AEBP2: variants seen among roughly 807,000 people sequenced by gnomAD.
AEBP2 encodes the protein AE binding protein 2, also known as zinc finger protein AEBP2.
Under a neutral mutation model 50.8 loss-of-function variants are expected in AEBP2, and 10 were observed. The ratio of observed to expected loss-of-function variants is 0.20; its 90% CI spans 0.12 to 0.33. The LOEUF is 0.33. Among genes scored for constraint, AEBP2 ranks in the 10% least tolerant of loss-of-function variants. AEBP2 has a pLI of 1.00. For synonymous variants in AEBP2, 296 were observed against 261.3 expected, an observed-to-expected ratio of 1.13 and a Z score of -1.28; for missense variants, 570 against 688.0, an observed-to-expected ratio of 0.83 and a Z score of 1.92.
At chr12:19,465,972 A>G (rs1948466276) in intron 2 of AEBP2, among the ~76,000 whole-genome samples, 2 of 150,874 alleles carry the variant, frequency 1.3e-5, no homozygotes, top group Admixed American at 6.6e-5. Context: ...TTGTATTTTT[A>G]GTATAGATGG....
intron 1 of AEBP2, among the ~76,000 whole-genome samples, chr12:19,424,678 G>C (rs937206640): frequency 1.3e-5 from 2 of 151,942 alleles, no homozygotes; most frequent in Non-Finnish European, 2.9e-5. Context: ...TTACAGGCGT[G>C]AGCCACCGCG....
intron 7 of AEBP2, 114 bp from the exon 8 acceptor site, chr12:19,517,973 A>G (rs1479275361): frequency 2.0e-5 from 19 of 953,786 alleles, no homozygotes; most frequent in Non-Finnish European, 2.7e-5. Flanking sequence ...CATTTTTATT[A>G]TAATCTATGA....
intron 3 of AEBP2, among the ~76,000 whole-genome samples, chr12:19,486,895 C>T (rs991106228): frequency 1.3e-5 from 2 of 152,010 alleles, no homozygotes; most frequent in African/African-American, 2.4e-5. Context: ...TGGCCTCCAA[C>T]GATCTACCCG....
chr12:19,439,328 C>G (rs1458603203), upstream of AEBP2, among the ~76,000 whole-genome samples: 3 of 142,388 alleles, frequency 2.1e-5, no homozygotes, highest in African/African-American at 7.8e-5. Context: ...CTTCGAAGCC[C>G]GGCAGGGCGT....
chr12:19,405,199 G>T (rs545469950), intron 1 of AEBP2, among the ~76,000 whole-genome samples: 1 of 152,008 alleles, frequency 6.6e-6, no homozygotes, highest in Non-Finnish European at 1.5e-5. Flanking sequence ...AAAGTGCTGG[G>T]GTTACAGGCG....
chr12:19,439,997 G>A lies in AEBP2; in HGVS notation c.298G>A (p.Glu100Lys). ...CCAGGCCGGGGAGGACGAAGACGAG[G>A]AGGAGGACGACGAGGAGGAGGAAGA... Reference protein sequence around the residue: ...ASQAGEDEDEEEDDEEEEDES... With the variant: ...ASQAGEDEDEKEDDEEEEDES... The change falls in exon 1 of 8, where the codon GAG (glutamate) becomes AAG (lysine). Residue 100 changes from glutamate (E) to lysine (K), a missense_variant. This residue lies in a region of AEBP2 where 386 missense variants were observed against 336.8 expected (regional missense o/e 1.15). Transcript: ENST00000266508. 6.6e-7 allele frequency: 1 copy of A among 1,525,394 alleles called. No homozygotes were observed. Among genetic ancestry groups the A allele is most frequent in the Non-Finnish European group, 8.8e-7 (1 of 1,142,368 alleles). The allele number at this position is 1,525,394 out of a possible 1,614,324, so 94.5% of individuals were successfully genotyped here.
upstream of AEBP2, among the ~76,000 whole-genome samples, chr12:19,436,587 C>CTTTTCTTTTCTTTTTTCTT (rs1947863873): frequency 7.1e-6 from 1 of 139,902 alleles, no homozygotes; most frequent in African/African-American, 2.7e-5. Context: ...TTTCTTTTTT[C>CTTTTCTTTTCTTTTTTCTT]TTTTTTTTTT....
intron 1 of AEBP2, among the ~76,000 whole-genome samples, chr12:19,423,884 A>T (rs1288082465): frequency 6.6e-6 from 1 of 152,210 alleles, no homozygotes; most frequent in African/African-American, 2.4e-5. Context: ...AAAATACATG[A>T]GAGGTGTCCA....
intron 1 of AEBP2, among the ~76,000 whole-genome samples, chr12:19,415,655 TCAATACAATACAATACAATA>T (rs58109649): frequency 9.8e-5 from 13 of 131,984 alleles, no homozygotes; most frequent in East Asian, 7.0e-4. Context: ...AGAGATTAAA[TCAATACAATACAATACAATA>T]CAATACAATA....
At chr12:19,455,591 C>G (rs1175320262) in intron 1 of AEBP2, among the ~76,000 whole-genome samples, 1 of 152,132 alleles carries the variant, frequency 6.6e-6, no homozygotes. Flanking sequence ...AGATACTTGC[C>G]TAGAAGTAAT....
At chr12:19,408,101 A>T (rs1053589718) in intron 1 of AEBP2, among the ~76,000 whole-genome samples, 1 of 151,978 alleles carries the variant, frequency 6.6e-6, no homozygotes, top group Admixed American at 6.6e-5. Context: ...CTGTTAAGCT[A>T]TGCTGTTCTT....
At chr12:19,408,640 A>G (rs1247419440) in intron 1 of AEBP2, among the ~76,000 whole-genome samples, 1 of 150,868 alleles carries the variant, frequency 6.6e-6, no homozygotes, top group Non-Finnish European at 1.5e-5. Flanking sequence ...GGTGACTCAC[A>G]CCTAAAATCC....
At chr12:19,471,980 A>G (rs1427308649) in intron 2 of AEBP2, among the ~76,000 whole-genome samples, 2 of 152,186 alleles carry the variant, frequency 1.3e-5, no homozygotes, top group East Asian at 1.9e-4. Flanking sequence ...GACTTCCTTT[A>G]TCTCATACTT....
chr12:19,456,726 A>G (rs1371795451), intron 1 of AEBP2: 17 of 1,590,148 alleles, frequency 1.1e-5, no homozygotes, highest in Middle Eastern at 1.8e-4. Context: ...GTCCCCAGAA[A>G]GAGTTTCACT....
chr12:19,465,697 A>G (rs918648430), intron 2 of AEBP2, among the ~76,000 whole-genome samples: 1 of 152,032 alleles, frequency 6.6e-6, no homozygotes, highest in African/African-American at 2.4e-5. Context: ...ATGATAAAAT[A>G]TGAATGAGAG....
chr12:19,496,811 A>G (rs1457765898), intron 4 of AEBP2, among the ~76,000 whole-genome samples: 1 of 150,584 alleles, frequency 6.6e-6, no homozygotes, highest in Non-Finnish European at 1.5e-5. Context: ...ACAGGCACAC[A>G]CCACCACACC....
At chr12:19,501,793 G>GTTTTTTT (rs1204632203) in intron 5 of AEBP2, among the ~76,000 whole-genome samples, 73 of 35,184 alleles carry the variant, frequency 2.1e-3, no homozygotes, top group African/African-American at 4.9e-3. Context: ...ATAAAAATGA[G>GTTTTTTT]TTTGTTTTTT....
At chr12:19,502,436 T>C (rs887789334) in intron 5 of AEBP2, among the ~76,000 whole-genome samples, 2 of 152,016 alleles carry the variant, frequency 1.3e-5, no homozygotes, top group Non-Finnish European at 2.9e-5. Flanking sequence ...GCCCGGCCTA[T>C]CTTGAGTTAA....
At chr12:19,443,371 A>G (rs576540692) in intron 1 of AEBP2, among the ~76,000 whole-genome samples, 1 of 149,590 alleles carries the variant, frequency 6.7e-6, no homozygotes, top group South Asian at 2.3e-4. Context: ...TGCTGGGATT[A>G]CAGGAGTGAG....
Sources: allele counts gnomAD v4.1 joint callset (sites outside exome capture counted in the v4.1 genomes callset), GRCh38; gene constraint gnomAD v4.1.1; regional missense constraint gnomAD v4.1.1; transcripts MANE v1.5; gene names NCBI Gene and HGNC (gene_info 2026-07-23, HGNC 2026-07-21).